DHX29: variants seen among roughly 807,000 people sequenced by gnomAD.
The protein encoded by DHX29 is DExH-box helicase 29.
DHX29 carries 79 observed loss-of-function variants against 167.9 expected under a neutral mutation model. The observed-to-expected ratio is 0.47, with a 90% CI of 0.39 to 0.57. The LOEUF (loss-of-function observed/expected upper bound fraction) is 0.57, where lower values mean the gene tolerates loss of function less well. Among genes scored for constraint, DHX29 ranks in the 20% least tolerant of loss-of-function variants. The pLI is 0.00. For synonymous variants in DHX29, 530 were observed against 546.0 expected (o/e 0.97, Z 0.41); for missense variants, 1,347 against 1,593.4 (o/e 0.85, Z 2.63).
Position 55,296,457 on chromosome 5 carries a change from C to A in DHX29, c.376-108G>T, listed in dbSNP as rs533192906. On this transcript the variant is annotated intron_variant, in intron 3 of 26. Coordinates refer to ENST00000251636, the MANE Select transcript of DHX29 (RefSeq NM_019030.4). ...GAAACTTTGACACAAATTATAATTT[C>A]AAAACTATCTTTTTTTTCCCAGTTA... is the stretch of plus-strand genomic sequence containing the variant. The A allele has an allele frequency of 1.3e-3, 1,743 of 1,309,400 alleles. 4 individuals carry two copies. Among genetic ancestry groups the A allele is most frequent in the Middle Eastern group, 2.7e-3 (11 of 4,122 alleles). The allele number at this position is 1,309,400 out of a possible 1,614,324, so 81.1% of individuals were successfully genotyped here. A position where few individuals can be genotyped will look rare whatever the true frequency, so the allele number is the denominator to read the frequency against.
chr5:55,270,497 A>G lies in DHX29; in HGVS notation c.2994-10T>C. 1 of 1,613,244 alleles carries G rather than the reference A, an allele frequency of 6.2e-7. No homozygotes were observed. Among genetic ancestry groups the G allele is most frequent in the Non-Finnish European group, 8.5e-7 (1 of 1,179,750 alleles). On this transcript the variant is annotated splice_polypyrimidine_tract_variant and intron_variant, in intron 19 of 26. Transcript: ENST00000251636. ...CATAAAGCCTTCAAATCTGAAAAAT[A>G]AAGTAATACTAAATACATATTATCA... is the stretch of plus-strand genomic sequence containing the variant.
In DHX29 at chr5:55,307,648, T is replaced by C. The variant is rs1305466452; in HGVS notation, c.-75A>G. 3.4e-6 allele frequency: 5 copies of C among 1,456,242 alleles called. No homozygotes were observed. The highest frequency in any genetic ancestry group is 2.8e-5 in the African/African-American group (2 of 70,564). 90.2% of individuals were successfully genotyped at this position (1,456,242 alleles called of 1,614,324 possible). ...ACTGCACAGCCGAGAGCTCTTCACA[T>C]TCCCCGGCTCCGGGGCTGCCACCCT... On this transcript the variant is annotated 5_prime_UTR_variant, in exon 1 of 27. An upstream start codon of the reference 5' UTR is lost. Transcript: ENST00000251636.
Position 55,295,452 on chromosome 5 carries a change from G to A in DHX29, c.578C>T (p.Pro193Leu). The change falls in exon 5 of 27, where the codon CCT (proline) becomes CTT (leucine). Residue 193 changes from proline (P) to leucine (L), a missense_variant. Physicochemically the swap from Pro to Leu is moderately conservative, Grantham distance 98. This residue lies in a region of DHX29 where 405 missense variants were observed against 416.8 expected (regional missense o/e 0.97). Coordinates refer to ENST00000251636, the MANE Select transcript of DHX29 (RefSeq NM_019030.4). ...QPKSRPKFQS[P>L]QIQATISPPL... ...AGGTGAAATAGTGGCTTGTATTTGA[G>A]GAGACTGAAATTTAGGCCTACTTTT... 1.9e-6 allele frequency: 3 copies of A among 1,613,714 alleles called. No homozygotes were observed. Among genetic ancestry groups the A allele is most frequent in the Non-Finnish European group, 2.5e-6 (3 of 1,179,750 alleles).
At chr5:55,281,612 T>C in intron 11 of DHX29, 97 bp from the exon 12 acceptor site, 2 of 820,172 alleles carry the variant, frequency 2.4e-6, no homozygotes, top group Non-Finnish European at 1.8e-6. Context: ...TGCTGTTAAA[T>C]GGAGCATTGT....
At chr5:55,269,326 A>T (rs999368984) in intron 21 of DHX29, 87 bp downstream of exon 21, 1 of 1,338,210 alleles carries the variant, frequency 7.5e-7, no homozygotes, top group Non-Finnish European at 1.0e-6. Flanking sequence ...AGTTAAAAAA[A>T]TTTTTACTTA....
Position 55,272,080 on chromosome 5 carries a change from AACTT to A in DHX29, c.2864+3_2864+6del, listed in dbSNP as rs1746878887. The A allele has an allele frequency of 4.6e-6, 7 of 1,513,382 alleles. No individual in the cohort carries two copies. Among genetic ancestry groups the A allele is most frequent in the Admixed American group, 1.9e-5 (1 of 52,286 alleles). The allele number at this position is 1,513,382 out of a possible 1,614,324, so 93.7% of individuals were successfully genotyped here. ...AAAATGTTTTGATTTGGGAAATTTAAACTTACTTATTTTCTTTTGTTCTTCCAGT... is the reference window on the plus strand; with the variant it reads ...AAAATGTTTTGATTTGGGAAATTTAAACTTATTTTCTTTTGTTCTTCCAGT... On this transcript the variant is annotated splice_donor_5th_base_variant and intron_variant, in intron 18 of 26. Transcript: ENST00000251636.
At chr5:55,299,525 G>C (rs929910316) in intron 1 of DHX29, among the ~76,000 whole-genome samples, 3 of 152,094 alleles carry the variant, frequency 2.0e-5, no homozygotes, top group Non-Finnish European at 4.4e-5. Flanking sequence ...CTGGAAGCTA[G>C]AACTCCAAAA....
At position 55,261,401 on chromosome 5, in the gene DHX29, A is replaced by G. The variant is rs1429589395; in HGVS notation, c.3927T>C (p.Arg1309=). The G allele has an allele frequency of 6.3e-7, 1 of 1,581,284 alleles. No individual in the cohort carries two copies. The highest frequency in any genetic ancestry group is 8.7e-7 in the Non-Finnish European group (1 of 1,152,628). The change falls in exon 25 of 27, where the codon CGT becomes CGC. Residue 1309 remains arginine (R), a synonymous_variant. Coordinates refer to ENST00000251636, the MANE Select transcript of DHX29 (RefSeq NM_019030.4). ...GGDIEVQHRE[R]LLSIDGWIYF... ...AGATCCAGCCATCAATAGAAAGAAG[A>G]CGTTCTCGGTGCTGAACTTCTATAT...
Position 55,256,490 on chromosome 5 carries a change from A to C in DHX29, c.4108T>G (p.Ter1370GlyextTer2). Residue 1370 changes from the stop codon to glycine, a stop_lost, in exon 27 of 27, where the codon TGA (stop) becomes GGA (glycine). Transcript: ENST00000251636. Reference sequence around the variant, plus strand: ...GCAGTTGACCATGAATTTCAGTTTCAGTTATTCTCTGTTTTTATCAATTCC... The same window carrying C: ...GCAGTTGACCATGAATTTCAGTTTCCGTTATTCTCTGTTTTTATCAATTCC... The part of the protein sequence containing the change: ...ITELIKTENN[*>G] 11 of 1,594,452 alleles carry C rather than the reference A, an allele frequency of 6.9e-6. No homozygotes were observed. Among genetic ancestry groups the C allele is most frequent in the Non-Finnish European group, 9.4e-6 (11 of 1,173,582 alleles).
chr5:55,290,833 G>A (rs1462389957), intron 6 of DHX29, among the ~76,000 whole-genome samples: 10 of 152,082 alleles, frequency 6.6e-5, no homozygotes, highest in Admixed American at 6.6e-4. Flanking sequence ...TGGCCAACAT[G>A]GTAAAACCCC....
intron 12 of DHX29, chr5:55,279,485 A>G (rs1747286627): frequency 6.6e-6 from 1 of 152,102 alleles, no homozygotes; most frequent in Admixed American, 6.6e-5. Context: ...CATAAAATAG[A>G]TAGGAATTTA....
At position 55,276,419 on chromosome 5, in the gene DHX29, A is replaced by G; in HGVS notation, c.2287-13T>C. ...CAAGATGAAAAACCTGCATAGAATA[A>G]GGCATATAAATGGGTGAATTCAAAT... On this transcript the variant is annotated splice_polypyrimidine_tract_variant and intron_variant, in intron 13 of 26. Transcript: ENST00000251636. The G allele has an allele frequency of 6.4e-7, 1 of 1,572,964 alleles. No homozygotes were observed.
At chr5:55,298,548 G>A (rs1561169750) in intron 2 of DHX29, 43 bp downstream of exon 2, 3 of 1,196,004 alleles carry the variant, frequency 2.5e-6, no homozygotes, top group Non-Finnish European at 3.7e-6. Flanking sequence ...GGGAAAAAAG[G>A]GGGAAACATT....
At chr5:55,270,166 ACAGTGCCCCCAGTTGAGAACTACTAGT>A (rs1746779776) in intron 20 of DHX29, among the ~76,000 whole-genome samples, 1 of 152,098 alleles carries the variant, frequency 6.6e-6, no homozygotes, top group African/African-American at 2.4e-5. Context: ...CTGGTAGGCA[ACAGTGCCCCCAGTTGAGAACTACTAGT>A]CTAGATTATG....
intron 8 of DHX29, 25 bp downstream of exon 8, chr5:55,289,245 C>T: frequency 1.3e-6 from 2 of 1,511,482 alleles, no homozygotes; most frequent in East Asian, 2.5e-5. Context: ...CAAATTACAC[C>T]CTGACCATCT....
At chr5:55,303,686 T>C (rs971508947) in intron 1 of DHX29, among the ~76,000 whole-genome samples, 3 of 152,182 alleles carry the variant, frequency 2.0e-5, no homozygotes, top group Non-Finnish European at 2.9e-5. Context: ...TCTTACAACA[T>C]GTCAAACTTG....
At position 55,272,164 on chromosome 5, in the gene DHX29, T is replaced by G; in HGVS notation, c.2787A>C (p.Ala929=). Residue 929 remains alanine (A), a synonymous_variant, in exon 18 of 27, where the codon GCA becomes GCC. Transcript: ENST00000251636. ...PPPGVRKIVL[A]TNIAETGITI... ...TGATACCCGTCTCTGCAATATTGGT[T>G]GCTAAAACAATCTGAAAATAAACAA... 1 of 1,572,530 alleles carries G rather than the reference T, an allele frequency of 6.4e-7. No individual in the cohort carries two copies.
intron 8 of DHX29, 123 bp downstream of exon 8, chr5:55,289,147 G>A: frequency 9.2e-7 from 1 of 1,087,222 alleles, no homozygotes; most frequent in Non-Finnish European, 1.2e-6. Context: ...AGCTTATAAA[G>A]TGTAACTTCA....
In DHX29 at chr5:55,260,419, G is replaced by C. The variant is rs371601538; in HGVS notation, c.3961-475C>G. On this transcript the variant is annotated intron_variant, in intron 25 of 26. Coordinates refer to ENST00000251636, the MANE Select transcript of DHX29 (RefSeq NM_019030.4). The stretch of plus-strand genomic sequence containing the variant: ...GCTAATTTTTTGTATTTTCAGTAGA[G>C]ACAGGGTTTCACCATGTTGGTCAGG... 1.3e-3 allele frequency among the ~76,000 whole-genome samples: 202 copies of C among 151,036 alleles called. 2 individuals carry two copies. In the Middle Eastern group the frequency reaches 0.024, roughly 18 times the overall value.
Sources: gnomAD v4.1 joint callset for allele counts (sites outside exome capture counted in the v4.1 genomes callset) on GRCh38, gnomAD v4.1.1 for gene constraint, gnomAD v4.1.1 regional missense constraint, MANE v1.5 for transcripts, NCBI Gene and HGNC (gene_info 2026-07-23, HGNC 2026-07-21) for gene names.